The following SNRPA1 variants were observed in gnomAD, a reference collection of about 807,000 sequenced individuals.
SNRPA1 encodes U2 small nuclear ribonucleoprotein A'.
Under a neutral mutation model 32.3 loss-of-function variants are expected in SNRPA1, and 5 were observed. The observed-to-expected ratio is 0.15, with a 90% CI of 0.08 to 0.33. The LOEUF (loss-of-function observed/expected upper bound fraction) is 0.33. Ranked by LOEUF, SNRPA1 falls within the 10% of genes least tolerant of loss-of-function variation. The pLI, the probability that SNRPA1 is intolerant of heterozygous loss-of-function variation, is 1.00. For missense variants in SNRPA1, 198 were observed against 311.1 expected (o/e 0.64, Z 2.74); for synonymous variants, 111 against 120.1 (o/e 0.92, Z 0.50).
intron 1 of SNRPA1, among the ~76,000 whole-genome samples, chr15:101,294,121 G>A (rs1276585369): frequency 6.6e-6 from 1 of 152,228 alleles, no homozygotes; most frequent in Admixed American, 6.5e-5. Context: ...TGTATTCCCA[G>A]CTACTCGGGA....
intron 8 of SNRPA1, among the ~76,000 whole-genome samples, chr15:101,283,789 AAT>A (rs1157158362): frequency 6.6e-6 from 1 of 152,036 alleles, no homozygotes; most frequent in Non-Finnish European, 1.5e-5. Flanking sequence ...ACTAAAAATT[AAT>A]TAGCCGGGCA....
At chr15:101,292,170 CAA>C (rs2039533218) in intron 2 of SNRPA1, 130 bp from the exon 3 acceptor site, 1 of 666,034 alleles carries the variant, frequency 1.5e-6, no homozygotes, top group South Asian at 1.9e-5. Context: ...AAAGAGGAAA[CAA>C]AGCAAAAAGA....
intron 8 of SNRPA1, among the ~76,000 whole-genome samples, chr15:101,282,331 TA>T (rs1242902980): frequency 6.6e-6 from 1 of 152,278 alleles, no homozygotes; most frequent in African/African-American, 2.4e-5. Flanking sequence ...ATTGTTGACT[TA>T]ATGTCTGACT....
At chr15:101,291,236 A>G (rs192435950) in intron 3 of SNRPA1, among the ~76,000 whole-genome samples, 18 of 152,354 alleles carry the variant, frequency 1.2e-4, no homozygotes, top group African/African-American at 4.3e-4. Context: ...TTACAAAACA[A>G]TACACAGTAT....
At chr15:101,285,292 T>G (rs914380500) in intron 7 of SNRPA1, among the ~76,000 whole-genome samples, 1 of 152,190 alleles carries the variant, frequency 6.6e-6, no homozygotes, top group Non-Finnish European at 1.5e-5. Flanking sequence ...AAATAATCAC[T>G]CCACATGTTC....
At chr15:101,293,369 TC>T in intron 1 of SNRPA1, 197 bp from the exon 2 acceptor site, 1 of 439,736 alleles carries the variant, frequency 2.3e-6, no homozygotes, top group East Asian at 3.6e-5. Flanking sequence ...GAGTCTCAAG[TC>T]CCCAGTGCCA....
intron 6 of SNRPA1, 170 bp from the exon 7 acceptor site, chr15:101,285,971 A>G (rs1025263704): frequency 1.6e-4 from 99 of 634,314 alleles, no homozygotes; most frequent in East Asian, 3.8e-4. Context: ...ATCTTCCTAT[A>G]TAGAAAATAG....
chr15:101,282,491 G>A (rs1284609633), intron 8 of SNRPA1, among the ~76,000 whole-genome samples: 3 of 152,234 alleles, frequency 2.0e-5, no homozygotes, highest in African/African-American at 7.2e-5. Flanking sequence ...GCAGATAATG[G>A]TGGATGCTCT....
At chr15:101,285,992 G>T in intron 6 of SNRPA1, 191 bp from the exon 7 acceptor site, 1 of 630,526 alleles carries the variant, frequency 1.6e-6, no homozygotes, top group Non-Finnish European at 2.8e-6. Context: ...GATGTACATG[G>T]TATCACATGA....
At chr15:101,284,777 C>T (rs1041154319) in intron 8 of SNRPA1, 190 bp downstream of exon 8, 21 of 471,202 alleles carry the variant, frequency 4.5e-5, no homozygotes, top group Non-Finnish European at 7.6e-5. Flanking sequence ...GCTGGGATTA[C>T]AGGCGTGAGC....
chr15:101,295,243 G>A lies in SNRPA1; in HGVS notation c.-65C>T. ...GGCCTCCCGCCAGCGAGACGTCCCAGCGTGCCCCGCGCCCCGCCGCCAGGC... is the reference window on the plus strand; with the variant it reads ...GGCCTCCCGCCAGCGAGACGTCCCAACGTGCCCCGCGCCCCGCCGCCAGGC... On this transcript the variant is annotated 5_prime_UTR_variant, in exon 1 of 9. Coordinates refer to ENST00000254193, the MANE Select transcript of SNRPA1 (RefSeq NM_003090.4). 4 of 1,353,790 alleles carry A rather than the reference G, an allele frequency of 3.0e-6. No individual in the cohort carries two copies. Among genetic ancestry groups the A allele is most frequent in the East Asian group, 3.1e-5 (1 of 32,752 alleles). The allele number at this position is 1,353,790 out of a possible 1,614,324, so 83.9% of individuals were successfully genotyped here. A position where few individuals can be genotyped will look rare whatever the true frequency, so the allele number is the denominator to read the frequency against.
Position 101,293,908 on chromosome 15 carries a change from C to G in SNRPA1, c.83-736G>C, listed in dbSNP as rs143916692. Among the ~76,000 whole-genome samples the G allele has an allele frequency of 5.9e-3, 899 of 152,334 alleles. 12 individuals carry two copies. Among genetic ancestry groups the G allele is most frequent in the African/African-American group, 0.02 (835 of 41,576 alleles). On this transcript the variant is annotated intron_variant, in intron 1 of 8. Transcript: ENST00000254193. ...ATACGTATTCTCAACACTGCACATG[C>G]TCCATAAAGAGAAATGGCAGAGATC... is the stretch of plus-strand genomic sequence containing the variant.
chr15:101,285,266 A>T, intron 7 of SNRPA1: 1 of 537,796 alleles, frequency 1.9e-6, no homozygotes, highest in Non-Finnish European at 3.4e-6. Flanking sequence ...TGGTGAAGAG[A>T]TGCAGGCCTT....
chr15:101,292,640 T>TTA (rs2039538861), intron 2 of SNRPA1, among the ~76,000 whole-genome samples: 1 of 151,860 alleles, frequency 6.6e-6, no homozygotes, highest in African/African-American at 2.4e-5. Context: ...ATTGTTACCT[T>TTA]TATATATCCT....
rs896482617 is a variant in SNRPA1, at chr15:101,295,122, C to T, written c.57G>A (p.Val19=). ...CCCGGAGGTCCAGCTCCCGGTCGCG[C>T]ACCGCGTTGGTGTACTGCGCCGCCT... The part of the protein sequence containing the change: ...IEQAAQYTNA[V]RDRELDLRGY... Residue 19 remains valine (V), a synonymous_variant, in exon 1 of 9, where the codon GTG becomes GTA. Coordinates refer to ENST00000254193, the MANE Select transcript of SNRPA1 (RefSeq NM_003090.4). The T allele has an allele frequency of 6.5e-7, 1 of 1,543,954 alleles. No individual in the cohort carries two copies. Among genetic ancestry groups the T allele is most frequent in the Non-Finnish European group, 8.7e-7 (1 of 1,149,042 alleles).
chr15:101,293,828 C>A (rs1443408756), intron 1 of SNRPA1, among the ~76,000 whole-genome samples: 2 of 152,216 alleles, frequency 1.3e-5, no homozygotes, highest in Non-Finnish European at 2.9e-5. Context: ...AAAAAAAGAA[C>A]TTACCCAAAG....
intron 3 of SNRPA1, chr15:101,289,906 C>T (rs1040694025): frequency 9.7e-6 from 1 of 103,370 alleles, no homozygotes; most frequent in African/African-American, 3.8e-5. Flanking sequence ...CTCGCCACTG[C>T]ACTCCAGCCA....
intron 3 of SNRPA1, among the ~76,000 whole-genome samples, chr15:101,289,186 T>C (rs74836446): frequency 0.036 from 5,524 of 152,296 alleles, 156 homozygotes; most frequent in South Asian, 0.061. Context: ...ATTTGTTACA[T>C]ACACAGTGTA....
chr15:101,292,806 A>G (rs1204414404), intron 2 of SNRPA1: 3 of 330,600 alleles, frequency 9.1e-6, no homozygotes, highest in African/African-American at 4.3e-5. Flanking sequence ...CTGGATCTCT[A>G]TAGGAAAAGT....
Sources: allele counts gnomAD v4.1 joint callset (sites outside exome capture counted in the v4.1 genomes callset), GRCh38; gene constraint gnomAD v4.1.1; transcripts MANE v1.5; gene names NCBI Gene and HGNC (gene_info 2026-07-23, HGNC 2026-07-21).